BTG4: variants seen among roughly 807,000 people sequenced by gnomAD.
BTG4 encodes protein BTG4.
In BTG4, 10 loss-of-function variants were observed where a neutral mutation model predicts 19.3. That is an observed-to-expected ratio of 0.52 (90% CI 0.32 to 0.88). The LOEUF is 0.88. Among genes scored for constraint, BTG4 ranks in the 40% least tolerant of loss-of-function variants. The probability of loss-of-function intolerance (pLI) is 0.04; values close to 1 mark genes in which losing one functional copy is unlikely to be tolerated. For missense variants in BTG4, 238 were observed against 281.9 expected, an observed-to-expected ratio of 0.84 and a Z score of 1.11; for synonymous variants, 91 against 95.7, an observed-to-expected ratio of 0.95 and a Z score of 0.29.
At chr11:111,466,459 G>C (rs1863723129), downstream of BTG4, among the ~76,000 whole-genome samples, 1 of 152,210 alleles carries the variant, frequency 6.6e-6, no homozygotes, top group South Asian at 2.1e-4. Context: ...CAAGGAAATA[G>C]AAGAAGAAAA....
chr11:111,513,111 G>A (rs751828759), upstream of BTG4: 26 of 423,138 alleles, frequency 6.1e-5, no homozygotes, highest in Non-Finnish European at 1.0e-4. Flanking sequence ...CGGCGTCGGC[G>A]TGGGTCCTGC....
the BTG4 span, chr11:111,397,824 A>T: frequency 4.6e-5 from 7 of 152,126 alleles, no homozygotes; most frequent in Non-Finnish European, 8.8e-5. Context: ...AATCTTTCTT[A>T]TTTACGGTGT....
At chr11:111,468,167 T>TG (rs954920796) in intron 5 of BTG4, among the ~76,000 whole-genome samples, 1 of 152,158 alleles carries the variant, frequency 6.6e-6, no homozygotes, top group Admixed American at 6.5e-5. Flanking sequence ...AGTAGGTTGT[T>TG]GGGGGGTTTA....
chr11:111,392,764 A>G, the BTG4 span, among the ~76,000 whole-genome samples: 2 of 152,166 alleles, frequency 1.3e-5, no homozygotes, highest in African/African-American at 2.4e-5. Flanking sequence ...CAGTGGTAAC[A>G]TAGTTTGCTA....
At chr11:111,427,301 G>A in the BTG4 span, among the ~76,000 whole-genome samples, 68 of 152,158 alleles carry the variant, frequency 4.5e-4, no homozygotes, top group Non-Finnish European at 8.1e-4. Flanking sequence ...TCTCTGAGCT[G>A]TGAAATTGAG....
the BTG4 span, among the ~76,000 whole-genome samples, chr11:111,392,270 C>T: frequency 4.0e-5 from 6 of 149,440 alleles, no homozygotes; most frequent in Admixed American, 1.3e-4. Flanking sequence ...CTCTGCCTCC[C>T]GGGTTCATGC....
At chr11:111,388,348 T>A in the BTG4 span, among the ~76,000 whole-genome samples, 1 of 151,624 alleles carries the variant, frequency 6.6e-6, no homozygotes, top group East Asian at 1.9e-4. Flanking sequence ...TTTTTTTTTT[T>A]AATTTCATGT....
the BTG4 span, among the ~76,000 whole-genome samples, chr11:111,402,966 G>A: frequency 6.6e-6 from 1 of 152,072 alleles, no homozygotes; most frequent in Admixed American, 6.6e-5. Flanking sequence ...ACTGATCACC[G>A]CTTTGCAGAG....
chr11:111,462,235 G>A, the BTG4 span: 2 of 152,418 alleles, frequency 1.3e-5, no homozygotes, highest in East Asian at 3.8e-4. Flanking sequence ...AGGTAGGGGA[G>A]GAAAAGCAAA....
chr11:111,446,705 C>G, the BTG4 span, among the ~76,000 whole-genome samples: 1 of 152,090 alleles, frequency 6.6e-6, no homozygotes, highest in Non-Finnish European at 1.5e-5. Context: ...GACTCCTCCA[C>G]GCCCTGCTCA....
At chr11:111,465,908 G>A (rs866441023), downstream of BTG4, among the ~76,000 whole-genome samples, 1 of 152,092 alleles carries the variant, frequency 6.6e-6, no homozygotes, top group African/African-American at 2.4e-5. Flanking sequence ...GAAAAAAAAA[G>A]TTTACTGACT....
At chr11:111,457,182 G>A in the BTG4 span, 4,643 of 153,048 alleles carry the variant, frequency 0.03, 91 homozygotes, top group Non-Finnish European at 0.04. Context: ...GGACGTCCCC[G>A]CTGGGGGCTC....
intron 5 of BTG4, among the ~76,000 whole-genome samples, chr11:111,481,297 G>T (rs758439535): frequency 3.3e-5 from 5 of 151,662 alleles, no homozygotes; most frequent in African/African-American, 4.8e-5. Context: ...ATAATTTTTT[G>T]ATTTCCAAGG....
At chr11:111,498,999 A>G (rs1475976841) in intron 1 of BTG4, among the ~76,000 whole-genome samples, 197 bp from the exon 2 acceptor site, 1 of 152,144 alleles carries the variant, frequency 6.6e-6, no homozygotes, top group Non-Finnish European at 1.5e-5. Flanking sequence ...AATTCCTCAA[A>G]TAGCCCAGTT....
At chr11:111,407,207 A>T in the BTG4 span, among the ~76,000 whole-genome samples, 6 of 148,534 alleles carry the variant, frequency 4.0e-5, no homozygotes. Flanking sequence ...ACATATAAGT[A>T]TATAGTATAT....
the BTG4 span, among the ~76,000 whole-genome samples, chr11:111,425,361 C>G: frequency 1.4e-4 from 22 of 152,088 alleles, no homozygotes; most frequent in East Asian, 3.1e-3. Flanking sequence ...GACACAGGAG[C>G]CCTGGCCTCA....
At chr11:111,464,498 T>G (rs1246057857), downstream of BTG4, 2 of 152,290 alleles carry the variant, frequency 1.3e-5, no homozygotes, top group African/African-American at 4.8e-5. Context: ...CCTTTTGGCT[T>G]TGGCCACAAC....
At chr11:111,426,119 G>A in the BTG4 span, among the ~76,000 whole-genome samples, 1 of 152,184 alleles carries the variant, frequency 6.6e-6, no homozygotes, top group Admixed American at 6.5e-5. Flanking sequence ...AAACCAGGGT[G>A]TCAAGAGGAG....
chr11:111,461,092 C>G, the BTG4 span, among the ~76,000 whole-genome samples: 1 of 152,144 alleles, frequency 6.6e-6, no homozygotes. Context: ...CAGAGGAAGC[C>G]CCGTCAGGAG....
Sources: allele counts gnomAD v4.1 joint callset (sites outside exome capture counted in the v4.1 genomes callset), GRCh38; gene constraint gnomAD v4.1.1; transcripts MANE v1.5; gene names NCBI Gene and HGNC (gene_info 2026-07-23, HGNC 2026-07-21).